The following MRS2 variants were observed in gnomAD, a reference collection of about 807,000 sequenced individuals.
MRS2 encodes magnesium transporter MRS2 homolog, mitochondrial.
Under a neutral mutation model 52.6 loss-of-function variants are expected in MRS2, and 40 were observed. The observed-to-expected ratio is 0.76, with a 90% CI of 0.59 to 0.99. MRS2 has a LOEUF of 0.99. Ranked by LOEUF, MRS2 falls within the 50% of genes least tolerant of loss-of-function variation. The pLI is 0.00. For missense variants in MRS2, 472 were observed against 532.7 expected (o/e 0.89, Z 1.12); for synonymous variants, 193 against 195.9 (o/e 0.98, Z 0.13).
At chr6:24,410,644 G>T in intron 4 of MRS2, 1 of 1,090,540 alleles carries the variant, frequency 9.2e-7, no homozygotes, top group Non-Finnish European at 1.3e-6. Context: ...AACATAGCAA[G>T]ATCCCATCTC....
intron 4 of MRS2, among the ~76,000 whole-genome samples, chr6:24,411,874 TG>T (rs1471005971): frequency 1.3e-5 from 2 of 151,058 alleles, no homozygotes; most frequent in Non-Finnish European, 1.5e-5. Flanking sequence ...TTTTTGTTTT[TG>T]TTTTTTTTTC....
intron 4 of MRS2, among the ~76,000 whole-genome samples, chr6:24,409,824 C>G (rs1345649816): frequency 6.6e-6 from 1 of 152,196 alleles, no homozygotes; most frequent in Non-Finnish European, 1.5e-5. Context: ...TGTTCATTCT[C>G]ACTGTTGGGA....
Position 24,423,990 on chromosome 6 carries a change from T to G in MRS2, c.*296T>G, listed in dbSNP as rs1399336029. ...CACAGACAGTTGCATAGATTTTAATTTATACATATCAAGAAAAGTGCAATT... is the reference window on the plus strand; with the variant it reads ...CACAGACAGTTGCATAGATTTTAATGTATACATATCAAGAAAAGTGCAATT... On this transcript the variant is annotated 3_prime_UTR_variant, in exon 11 of 11. Coordinates refer to ENST00000378386, the MANE Select transcript of MRS2 (RefSeq NM_020662.4). 1 of 176,284 alleles carries G rather than the reference T, an allele frequency of 5.7e-6. No homozygotes were observed. 10.9% of individuals were successfully genotyped at this position (176,284 alleles called of 1,614,324 possible). A position where few individuals can be genotyped will look rare whatever the true frequency, so the allele number is the denominator to read the frequency against.
At chr6:24,421,561 T>TA (rs1554127015) in intron 9 of MRS2, among the ~76,000 whole-genome samples, 59 of 151,780 alleles carry the variant, frequency 3.9e-4, no homozygotes, top group South Asian at 2.1e-3. Flanking sequence ...GAATTTCCAT[T>TA]TTCTTAAACC....
chr6:24,407,389 T>C (rs966795794), intron 2 of MRS2, among the ~76,000 whole-genome samples: 3 of 152,348 alleles, frequency 2.0e-5, no homozygotes, highest in African/African-American at 7.2e-5. Context: ...TGAGTTTTTA[T>C]TGTGTGATTA....
intron 1 of MRS2, among the ~76,000 whole-genome samples, chr6:24,404,678 T>C (rs1029636837): frequency 9.9e-5 from 15 of 152,216 alleles, no homozygotes; most frequent in African/African-American, 3.6e-4. Context: ...AGGATATCTG[T>C]AGAAAAGAAG....
chr6:24,415,394 T>G (rs376307815), intron 6 of MRS2, among the ~76,000 whole-genome samples: 1 of 152,228 alleles, frequency 6.6e-6, no homozygotes, highest in African/African-American at 2.4e-5. Flanking sequence ...TAGTTGATAT[T>G]GTCTTCATTT....
rs1461374803 is a variant in MRS2 at position 24,425,511 on chromosome 6, T to C, written c.*1817T>C. 1 of 152,374 alleles carries C rather than the reference T, an allele frequency of 6.6e-6. No homozygotes were observed. Among genetic ancestry groups the C allele is most frequent in the Non-Finnish European group, 1.5e-5 (1 of 68,046 alleles). The allele number at this position is 152,374 out of a possible 1,614,324, so 9.4% of individuals were successfully genotyped here. A position where few individuals can be genotyped will look rare whatever the true frequency, so the allele number is the denominator to read the frequency against. On this transcript the variant is annotated 3_prime_UTR_variant, in exon 11 of 11. Transcript: ENST00000378386. ...TCAAGTATGATTTCAAAATATCAAC[T>C]AGTTCCACTTTTGTGATTGCAGGAT...
chr6:24,416,812 C>A (rs1426051902), intron 7 of MRS2, among the ~76,000 whole-genome samples: 1 of 152,060 alleles, frequency 6.6e-6, no homozygotes, highest in Non-Finnish European at 1.5e-5. Flanking sequence ...AAATAACTTA[C>A]CTAGGAAGCA....
chr6:24,404,283 C>T (rs958475775), intron 1 of MRS2, among the ~76,000 whole-genome samples: 1 of 152,134 alleles, frequency 6.6e-6, no homozygotes, highest in Admixed American at 6.5e-5. Flanking sequence ...ATCTCAATCC[C>T]GGTTACACTC....
intron 4 of MRS2, among the ~76,000 whole-genome samples, chr6:24,411,877 T>G (rs1280786858): frequency 1.3e-5 from 2 of 151,010 alleles, no homozygotes; most frequent in Admixed American, 6.6e-5. Flanking sequence ...TTGTTTTTGT[T>G]TTTTTTTCAT....
In MRS2 at chr6:24,418,340, C is replaced by A. The variant is rs562899585; in HGVS notation, c.989+104C>A. ...AATTACGCCATCATTATCATCTATA[C>A]TACATTATTATTATTTTTTTTGTTG... On this transcript the variant is annotated intron_variant, in intron 8 of 10. Transcript: ENST00000378386. The A allele has an allele frequency of 3.3e-6, 5 of 1,507,662 alleles. No homozygotes were observed. The East Asian group carries it at 1.2e-4, about 35-fold the overall frequency. 93.4% of individuals were successfully genotyped at this position (1,507,662 alleles called of 1,614,324 possible).
intron 6 of MRS2, 94 bp from the exon 7 acceptor site, chr6:24,416,303 A>T: frequency 1.7e-6 from 1 of 596,688 alleles, no homozygotes; most frequent in Non-Finnish European, 3.0e-6. Flanking sequence ...AATGTATAAG[A>T]TAATATATTT....
intron 9 of MRS2, among the ~76,000 whole-genome samples, chr6:24,420,550 G>A (rs76014758): frequency 3.3e-5 from 5 of 152,180 alleles, no homozygotes; most frequent in East Asian, 3.9e-4. Flanking sequence ...CTGCCCTTGC[G>A]TAGGTTATAT....
At chr6:24,411,104 A>G (rs1379226861) in intron 4 of MRS2, among the ~76,000 whole-genome samples, 2 of 151,830 alleles carry the variant, frequency 1.3e-5, no homozygotes, top group Non-Finnish European at 2.9e-5. Context: ...GTAGGAGAAT[A>G]GCTTGAACCC....
chr6:24,410,520 A>G (rs1047525051), intron 4 of MRS2, among the ~76,000 whole-genome samples: 1 of 152,142 alleles, frequency 6.6e-6, no homozygotes, highest in Non-Finnish European at 1.5e-5. Context: ...TCTAGAACTA[A>G]TCAAAATAAT....
intron 4 of MRS2, among the ~76,000 whole-genome samples, chr6:24,409,998 T>C (rs202041474): frequency 0.03 from 4,555 of 151,934 alleles, 173 homozygotes; most frequent in East Asian, 0.14. Flanking sequence ...TAGCCTTAAT[T>C]TTTTTTTTGA....
intron 2 of MRS2, among the ~76,000 whole-genome samples, chr6:24,406,131 A>T (rs1281192533): frequency 6.7e-6 from 1 of 149,490 alleles, no homozygotes; most frequent in African/African-American, 2.4e-5. Flanking sequence ...AGGTGTGCCT[A>T]TTCTGAGCCA....
rs143637593 is a variant in MRS2, at chr6:24,421,234, ATTCCT to A, written c.1108-1699_1108-1695del. 5.3e-3 allele frequency among the ~76,000 whole-genome samples: 814 copies of A among 152,286 alleles called. 3 individuals carry two copies. Among genetic ancestry groups the A allele is most frequent in the African/African-American group, 0.018 (765 of 41,536 alleles). The stretch of plus-strand genomic sequence containing the variant: ...TTCAAAACAATGGAAGATTTTTCAA[ATTCCT>A]TTCTTATAGTTTTAGTATGTGCAAT... On this transcript the variant is annotated intron_variant, in intron 9 of 10. Coordinates refer to ENST00000378386, the MANE Select transcript of MRS2 (RefSeq NM_020662.4).
Sources: gnomAD v4.1 joint callset for allele counts (sites outside exome capture counted in the v4.1 genomes callset) on GRCh38, gnomAD v4.1.1 for gene constraint, MANE v1.5 for transcripts, NCBI Gene and HGNC (gene_info 2026-07-23, HGNC 2026-07-21) for gene names.